The following DENND2A variants were observed in gnomAD, a reference collection of about 807,000 sequenced individuals.
DENND2A encodes the protein DENN domain-containing protein 2A.
Under a neutral mutation model 105.3 loss-of-function variants are expected in DENND2A, and 53 were observed. The ratio of observed to expected loss-of-function variants is 0.50; its 90% CI spans 0.40 to 0.63. DENND2A has a LOEUF of 0.63. Among genes scored for constraint, DENND2A ranks in the 30% least tolerant of loss-of-function variants. The pLI is 0.00. For synonymous variants in DENND2A, 522 were observed against 508.4 expected, an observed-to-expected ratio of 1.03 and a Z score of -0.36; for missense variants, 1,138 against 1,279.6, an observed-to-expected ratio of 0.89 and a Z score of 1.69.
In DENND2A at chr7:140,610,952, C is replaced by T. The variant is rs368838923; in HGVS notation, c.-247-5146G>A. 5.9e-5 allele frequency among the ~76,000 whole-genome samples: 9 copies of T among 152,378 alleles called. No homozygotes were observed. The East Asian group carries it at 1.7e-3, about 29-fold the overall frequency. On this transcript the variant is annotated intron_variant, in intron 1 of 19. Coordinates refer to ENST00000496613, the MANE Select transcript of DENND2A (RefSeq NM_015689.5). ...GGAAACACCAGCCTGGTGAAGCCAG[C>T]ACAGCCTTAAGGGCTAGGAGCCCAG...
At chr7:140,554,083 G>A (rs1375322520) in intron 12 of DENND2A, among the ~76,000 whole-genome samples, 7 of 152,112 alleles carry the variant, frequency 4.6e-5, no homozygotes, top group East Asian at 3.9e-4. Context: ...AAAATTAGCC[G>A]GGTGTGGTGG....
intron 1 of DENND2A, among the ~76,000 whole-genome samples, chr7:140,617,424 CTTTCT>C (rs1332614120): frequency 6.6e-6 from 1 of 152,166 alleles, no homozygotes; most frequent in Non-Finnish European, 1.5e-5. Flanking sequence ...GACAATAATA[CTTTCT>C]TTTAACATCT....
In DENND2A at chr7:140,518,461, C is replaced by T; in HGVS notation, c.*246G>A. ...AATATCTAAGATAAAAAAAAAAACCCAACCACCAAAACAACCCATTTGCAT... is the reference window on the plus strand; with the variant it reads ...AATATCTAAGATAAAAAAAAAAACCTAACCACCAAAACAACCCATTTGCAT... On this transcript the variant is annotated 3_prime_UTR_variant, in exon 20 of 20. Coordinates refer to ENST00000496613, the MANE Select transcript of DENND2A (RefSeq NM_015689.5). 2.3e-6 allele frequency: 1 copy of T among 431,376 alleles called. No homozygotes were observed. The highest frequency in any genetic ancestry group is 4.1e-6 in the Non-Finnish European group (1 of 244,030). The allele number at this position is 431,376 out of a possible 1,614,324, so 26.7% of individuals were successfully genotyped here.
intron 12 of DENND2A, among the ~76,000 whole-genome samples, chr7:140,550,702 T>G (rs762518188): frequency 9.9e-5 from 15 of 151,914 alleles, no homozygotes; most frequent in Non-Finnish European, 2.2e-4. Flanking sequence ...CCTTAGGTGA[T>G]CCACACCTCG....
At chr7:140,599,306 C>G (rs537733884) in intron 3 of DENND2A, among the ~76,000 whole-genome samples, 14 of 151,810 alleles carry the variant, frequency 9.2e-5, no homozygotes, top group Non-Finnish European at 1.6e-4. Context: ...CCACCACACT[C>G]CAGCCTGGGC....
chr7:140,579,209 C>T lies in DENND2A; in HGVS notation c.1246-5201G>A, dbSNP rs368416612. Among the ~76,000 whole-genome samples the T allele has an allele frequency of 1.6e-4, 25 of 151,816 alleles. No individual in the cohort carries two copies. In the East Asian group the frequency reaches 4.7e-3, roughly 29 times the overall value. ...TCGAGAGGCTGAGGCAGGAGAATTG[C>T]TTGAATCCCGGAGGCGGAGGTTGCA... On this transcript the variant is annotated intron_variant, in intron 5 of 19. Transcript: ENST00000496613.
chr7:140,579,152 G>T (rs1293673991), intron 5 of DENND2A, among the ~76,000 whole-genome samples: 1 of 151,878 alleles, frequency 6.6e-6, no homozygotes, highest in African/African-American at 2.4e-5. Context: ...AATTAGCTGG[G>T]CATGGTGGCG....
At chr7:140,524,990 A>C (rs1481875546) in intron 16 of DENND2A, among the ~76,000 whole-genome samples, 1 of 148,362 alleles carries the variant, frequency 6.7e-6, no homozygotes, top group African/African-American at 2.5e-5. Context: ...GGTTCACACT[A>C]TTCTCCTGCC....
chr7:140,605,988 C>G (rs1006634696), intron 1 of DENND2A, among the ~76,000 whole-genome samples, 182 bp from the exon 2 acceptor site: 2 of 152,066 alleles, frequency 1.3e-5, no homozygotes, highest in African/African-American at 4.8e-5. Flanking sequence ...GGTGCAATCC[C>G]GATGTCCGCC....
At chr7:140,604,730 G>C (rs1370362554) in intron 2 of DENND2A, among the ~76,000 whole-genome samples, 2 of 152,184 alleles carry the variant, frequency 1.3e-5, no homozygotes, top group Admixed American at 6.5e-5. Flanking sequence ...TAAATACATG[G>C]GCTTTGGAAA....
rs746054199 is a variant in DENND2A, at chr7:140,559,362, G to A, written c.1889+346C>T. Among the ~76,000 whole-genome samples the A allele has an allele frequency of 1.6e-4, 25 of 152,174 alleles. No individual in the cohort carries two copies. The South Asian group carries it at 2.3e-3, about 14-fold the overall frequency. ...CTCGGGATGAAGCAGAAATGTAAAC[G>A]GATCCCAATCCAAGAAACATCTGGA... On this transcript the variant is annotated intron_variant, in intron 10 of 19. Coordinates refer to ENST00000496613, the MANE Select transcript of DENND2A (RefSeq NM_015689.5). The surrounding 1 kb of genome is among the most constrained non-coding windows in gnomAD (Gnocchi z 4.1).
At chr7:140,619,496 T>C (rs1027261024) in intron 1 of DENND2A, among the ~76,000 whole-genome samples, 11 of 150,228 alleles carry the variant, frequency 7.3e-5, no homozygotes, top group African/African-American at 1.5e-4. Flanking sequence ...CTAAAAACTC[T>C]GCACTTTTTT....
At chr7:140,635,599 T>C (rs775680442) in intron 1 of DENND2A, among the ~76,000 whole-genome samples, 2 of 152,172 alleles carry the variant, frequency 1.3e-5, no homozygotes, top group Non-Finnish European at 1.5e-5. Context: ...TCCCTACCAC[T>C]GAGGGAAGCT....
intron 1 of DENND2A, among the ~76,000 whole-genome samples, chr7:140,615,256 CA>C (rs1428606267): frequency 4.6e-5 from 7 of 152,180 alleles, no homozygotes; most frequent in African/African-American, 1.4e-4. Flanking sequence ...TTTTCAAAAA[CA>C]AACCAGTATT....
chr7:140,591,678 T>TTCCTTTCC (rs1799029492), intron 3 of DENND2A, among the ~76,000 whole-genome samples: 1 of 144,930 alleles, frequency 6.9e-6, no homozygotes, highest in African/African-American at 2.7e-5. Flanking sequence ...TTTCTCTTTC[T>TTCCTTTCC]TTCTTTCTTT....
intron 1 of DENND2A, among the ~76,000 whole-genome samples, chr7:140,624,488 C>T (rs1299158385): frequency 6.6e-6 from 1 of 152,188 alleles, no homozygotes; most frequent in Non-Finnish European, 1.5e-5. Flanking sequence ...AACACTGTGG[C>T]CCAGGGGGGT....
At chr7:140,566,320 C>A (rs573476353) in intron 9 of DENND2A, among the ~76,000 whole-genome samples, 1 of 152,284 alleles carries the variant, frequency 6.6e-6, no homozygotes, top group East Asian at 1.9e-4. Flanking sequence ...GTGTGAGTCA[C>A]CGCGCCTGGC....
chr7:140,636,725 G>A (rs546340072), intron 1 of DENND2A, among the ~76,000 whole-genome samples: 1 of 123,094 alleles, frequency 8.1e-6, no homozygotes, highest in East Asian at 2.6e-4. Context: ...GGGCCTCACT[G>A]TCGCCTAAGC....
chr7:140,549,404 T>C (rs1797028660), intron 12 of DENND2A, among the ~76,000 whole-genome samples: 1 of 151,942 alleles, frequency 6.6e-6, no homozygotes, highest in Non-Finnish European at 1.5e-5. Context: ...ATTACAGGCA[T>C]GTGCCACCAC....
Sources: allele counts gnomAD v4.1 joint callset (sites outside exome capture counted in the v4.1 genomes callset), GRCh38; gene constraint gnomAD v4.1.1; non-coding constraint Gnocchi (gnomAD v3.1); transcripts MANE v1.5; gene names NCBI Gene and HGNC (gene_info 2026-07-23, HGNC 2026-07-21).